ZC3H12B: variants seen among roughly 807,000 people sequenced by gnomAD.
The protein encoded by ZC3H12B is zinc finger CCCH-type containing 12B.
A neutral mutation model predicts 43.9 loss-of-function variants in ZC3H12B; 7 were observed. That is an observed-to-expected ratio of 0.16 (90% confidence interval 0.09 to 0.30). The LOEUF (loss-of-function observed/expected upper bound fraction) is 0.30. ZC3H12B is among the 10% of genes least tolerant of loss of function. The pLI, the probability that ZC3H12B is intolerant of heterozygous loss-of-function variation, is 1.00. For synonymous variants in ZC3H12B, 222 were observed against 241.7 expected, an observed-to-expected ratio of 0.92 and a Z score of 0.76; for missense variants, 475 against 670.2, an observed-to-expected ratio of 0.71 and a Z score of 3.22.
chrX:65,117,866 G>T, the ZC3H12B span, among the ~76,000 whole-genome samples: 4 of 111,303 alleles, frequency 3.6e-5, no homozygotes, highest in African/African-American at 9.8e-5. Context: ...AAGATCAGAT[G>T]GTTCTAGATG....
At chrX:65,433,776 G>T (rs942989886) in intron 3 of ZC3H12B, among the ~76,000 whole-genome samples, 4 of 111,809 alleles carry the variant, frequency 3.6e-5, no homozygotes, top group Non-Finnish European at 7.5e-5. Flanking sequence ...TATATTTTTA[G>T]TAATGTATCT....
chrX:65,187,107 C>G, the ZC3H12B span: 1 of 112,038 alleles, frequency 8.9e-6, no homozygotes, highest in African/African-American at 3.2e-5. Flanking sequence ...GGAATCTCCC[C>G]ACTGTTTTTC....
At chrX:65,194,781 GTTA>G in the ZC3H12B span, among the ~76,000 whole-genome samples, 4 of 112,032 alleles carry the variant, frequency 3.6e-5, no homozygotes, top group Non-Finnish European at 3.8e-5. Context: ...GAAGTCTCCA[GTTA>G]TTATTGTATT....
chrX:65,199,643 G>C, the ZC3H12B span, among the ~76,000 whole-genome samples: 3 of 110,873 alleles, frequency 2.7e-5, no homozygotes, highest in African/African-American at 6.6e-5. Flanking sequence ...TCTCCACTAT[G>C]TGTCCATGTG....
At chrX:65,168,674 CT>C in the ZC3H12B span, among the ~76,000 whole-genome samples, 2 of 111,119 alleles carry the variant, frequency 1.8e-5, no homozygotes, top group African/African-American at 6.5e-5. Context: ...TGGTCCTGGA[CT>C]TTTTTTGATT....
intron 2 of ZC3H12B, among the ~76,000 whole-genome samples, chrX:65,498,604 T>C (rs760346831): frequency 3.6e-5 from 4 of 112,211 alleles, no homozygotes; most frequent in Non-Finnish European, 7.5e-5. Context: ...CTAGGAGAGA[T>C]GCTTTAGTTT....
chrX:65,147,223 C>T, the ZC3H12B span, among the ~76,000 whole-genome samples: 2 of 112,067 alleles, frequency 1.8e-5, no homozygotes, highest in Non-Finnish European at 3.8e-5. Flanking sequence ...CTTCACCAGT[C>T]AGCTCATCGA....
chrX:65,119,118 A>T, the ZC3H12B span, among the ~76,000 whole-genome samples: 5 of 111,365 alleles, frequency 4.5e-5, no homozygotes, highest in African/African-American at 1.6e-4. Flanking sequence ...ATACGTGTGC[A>T]TGTGTCTTTC....
the ZC3H12B span, among the ~76,000 whole-genome samples, chrX:65,177,700 AG>A: frequency 8.9e-6 from 1 of 111,818 alleles, no homozygotes; most frequent in South Asian, 3.7e-4. Context: ...TAAAATACCT[AG>A]GAATACAACT....
At chrX:65,463,969 C>A in intron 3 of ZC3H12B, among the ~76,000 whole-genome samples, 1 of 111,917 alleles carries the variant, frequency 8.9e-6, no homozygotes, top group East Asian at 2.8e-4. Context: ...GCTGGGCCCT[C>A]TTTTTTCTTA....
At chrX:65,149,806 TAATAATAATA>T in the ZC3H12B span, among the ~76,000 whole-genome samples, 1 of 92,036 alleles carries the variant, frequency 1.1e-5, no homozygotes, top group Non-Finnish European at 2.0e-5. Context: ...ATAATAATAA[TAATAATAATA>T]AATAAAAGTA....
At chrX:65,362,623 G>T (rs944670846), upstream of ZC3H12B, among the ~76,000 whole-genome samples, 2 of 109,583 alleles carry the variant, frequency 1.8e-5, no homozygotes, top group African/African-American at 3.3e-5. Context: ...CTCCCTCCCT[G>T]GCAACCAATC....
the ZC3H12B span, among the ~76,000 whole-genome samples, chrX:65,041,272 A>G: frequency 8.9e-6 from 1 of 112,093 alleles, no homozygotes. Flanking sequence ...CCACTAACCA[A>G]GGACTTGTTA....
At chrX:65,101,136 T>C in the ZC3H12B span, among the ~76,000 whole-genome samples, 4 of 112,081 alleles carry the variant, frequency 3.6e-5, no homozygotes, top group African/African-American at 1.3e-4. Flanking sequence ...AACCTGCTTC[T>C]GAATGACTAC....
chrX:65,112,839 T>G, the ZC3H12B span, among the ~76,000 whole-genome samples: 2 of 111,994 alleles, frequency 1.8e-5, no homozygotes, highest in Admixed American at 9.5e-5. Flanking sequence ...GAATATCCCT[T>G]CTACAGCCTG....
chrX:65,268,277 T>C, the ZC3H12B span, among the ~76,000 whole-genome samples: 8 of 111,849 alleles, frequency 7.2e-5, no homozygotes, highest in Non-Finnish European at 1.1e-4. Context: ...TTTAAACCTT[T>C]CAAAGAAAAG....
chrX:65,428,596 G>A (rs753998542), intron 3 of ZC3H12B, among the ~76,000 whole-genome samples: 5 of 112,524 alleles, frequency 4.4e-5, no homozygotes, highest in Non-Finnish European at 7.5e-5. Context: ...TTGTTTCTTA[G>A]CACTAACAGG....
intron 3 of ZC3H12B, among the ~76,000 whole-genome samples, chrX:65,406,659 C>G (rs1239985468): frequency 4.7e-5 from 5 of 105,620 alleles, no homozygotes; most frequent in Non-Finnish European, 9.7e-5. Flanking sequence ...TGGTTAGCTC[C>G]TGAGTGTGAA....
the ZC3H12B span, among the ~76,000 whole-genome samples, chrX:65,054,156 TG>T: frequency 2.7e-5 from 3 of 112,059 alleles, no homozygotes; most frequent in Admixed American, 2.8e-4. Flanking sequence ...CCATTGCTTT[TG>T]GTGTTTTAGA....
Sources: allele counts gnomAD v4.1 joint callset (sites outside exome capture counted in the v4.1 genomes callset), GRCh38; gene constraint gnomAD v4.1.1; transcripts MANE v1.5; gene names NCBI Gene and HGNC (gene_info 2026-07-23, HGNC 2026-07-21).